Variants in PTPRG observed in about 807,000 individuals in gnomAD.
The protein encoded by PTPRG is receptor-type tyrosine-protein phosphatase gamma.
In PTPRG, 102 loss-of-function variants were observed where a neutral mutation model predicts 165.3. The ratio of observed to expected loss-of-function variants is 0.62; its 90% confidence interval spans 0.53 to 0.73. The LOEUF (loss-of-function observed/expected upper bound fraction) is 0.73, where lower values mean the gene tolerates loss of function less well. PTPRG is among the 30% of genes least tolerant of loss of function. The pLI, the probability that PTPRG is intolerant of heterozygous loss-of-function variation, is 0.00. For synonymous variants in PTPRG, 675 were observed against 669.5 expected, an observed-to-expected ratio of 1.01 and a Z score of -0.13; for missense variants, 1,866 against 1,861.4, an observed-to-expected ratio of 1.00 and a Z score of -0.05.
intron 1 of PTPRG, among the ~76,000 whole-genome samples, chr3:61,728,552 C>T (rs544635560): frequency 6.6e-6 from 1 of 152,060 alleles, no homozygotes; most frequent in Admixed American, 6.6e-5. Context: ...CACTGCCCTC[C>T]AGCCTGGAAG....
In PTPRG at chr3:62,218,854, A is replaced by G. The variant is rs1312081657; in HGVS notation, c.2159A>G (p.Glu720Gly). 1 of 1,609,110 alleles carries G rather than the reference A, an allele frequency of 6.2e-7. No homozygotes were observed. The highest frequency in any genetic ancestry group is 1.7e-5 in the Admixed American group (1 of 59,232). ...CTGGGATGATTTCTCTTGGCAGCGGAAAAAAACACCTCTGGAATGATAAGC... is the reference window on the plus strand; with the variant it reads ...CTGGGATGATTTCTCTTGGCAGCGGGAAAAAACACCTCTGGAATGATAAGC... The part of the protein sequence containing the change: ...DSRFITVNPA[E>G]KNTSGMISRP... The change falls in exon 13 of 30, where the codon GAA becomes GGA. Residue 720 changes from glutamate to glycine, a missense_variant. Glu to Gly is a moderately conservative substitution (Grantham distance 98, BLOSUM62 -2). Around this residue, in one of 3 missense-constraint regions of PTPRG, gnomAD observed 1,452 missense variants for 1,463.0 expected, o/e 0.99. Coordinates refer to ENST00000474889, the MANE Select transcript of PTPRG (RefSeq NM_002841.4).
intron 1 of PTPRG, among the ~76,000 whole-genome samples, chr3:61,707,945 T>G (rs2031345029): frequency 5.9e-5 from 9 of 152,054 alleles, no homozygotes; most frequent in Admixed American, 5.9e-4. Flanking sequence ...CACACCACTG[T>G]GACCAGATAA....
chr3:62,026,567 C>A (rs2107772179), intron 4 of PTPRG, among the ~76,000 whole-genome samples: 1 of 152,228 alleles, frequency 6.6e-6, no homozygotes, highest in Admixed American at 6.5e-5. Flanking sequence ...TTTACTTATG[C>A]AAGCCTCAGT....
At chr3:62,097,001 T>C (rs1375435186) in intron 5 of PTPRG, among the ~76,000 whole-genome samples, 1 of 152,162 alleles carries the variant, frequency 6.6e-6, no homozygotes, top group African/African-American at 2.4e-5. Flanking sequence ...AATCCGCCCA[T>C]CTTAAAAGTG....
At chr3:62,045,296 T>A (rs1393295954) in intron 4 of PTPRG, among the ~76,000 whole-genome samples, 8 of 152,202 alleles carry the variant, frequency 5.3e-5, no homozygotes, top group Admixed American at 4.6e-4. Flanking sequence ...TTAAGGCTAT[T>A]TGGTTTCATT....
At chr3:61,919,490 C>G (rs1439556517) in intron 2 of PTPRG, among the ~76,000 whole-genome samples, 1 of 152,192 alleles carries the variant, frequency 6.6e-6, no homozygotes, top group African/African-American at 2.4e-5. Context: ...TTGTGCCTCC[C>G]TCCACGATGG....
chr3:62,064,301 T>G (rs1262133164), intron 4 of PTPRG, among the ~76,000 whole-genome samples: 1 of 152,234 alleles, frequency 6.6e-6, no homozygotes, highest in East Asian at 1.9e-4. Context: ...TCTATATACT[T>G]GGGCATATAC....
intron 5 of PTPRG, among the ~76,000 whole-genome samples, chr3:62,104,867 A>G (rs1225693914): frequency 6.6e-6 from 1 of 152,196 alleles, no homozygotes; most frequent in African/African-American, 2.4e-5. Context: ...TGCTGGGATT[A>G]TTGCATTGTT....
At chr3:61,876,131 TGTA>T (rs1411442225) in intron 2 of PTPRG, among the ~76,000 whole-genome samples, 3 of 152,228 alleles carry the variant, frequency 2.0e-5, no homozygotes. Flanking sequence ...ACATGATTTC[TGTA>T]GTATTCTTGA....
rs964263369 is a variant in PTPRG at position 61,681,077 on chromosome 3, A to T, written c.86-67801A>T. 1.5e-3 allele frequency among the ~76,000 whole-genome samples: 210 copies of T among 143,388 alleles called. 1 individual carries two copies. Among genetic ancestry groups the T allele is most frequent in the African/African-American group, 5.2e-3 (204 of 39,012 alleles). 94.1% of individuals were successfully genotyped at this position (143,388 alleles called of 152,430 possible). ...TCTAAAAAAAAAAAAAAAAAAAAAA[A>T]GAAGAAGAAAGTAACAATGTCCAAA... is the stretch of plus-strand genomic sequence containing the variant. On this transcript the variant is annotated intron_variant, in intron 1 of 29. Coordinates refer to ENST00000474889, the MANE Select transcript of PTPRG (RefSeq NM_002841.4).
intron 4 of PTPRG, among the ~76,000 whole-genome samples, chr3:62,062,635 A>G (rs978960931): frequency 2.6e-5 from 4 of 152,000 alleles, no homozygotes; most frequent in African/African-American, 9.7e-5. Flanking sequence ...AATGATGAGT[A>G]AGAAGATAAT....
intron 1 of PTPRG, among the ~76,000 whole-genome samples, chr3:61,744,855 A>G (rs530590779): frequency 6.6e-6 from 1 of 152,160 alleles, no homozygotes; most frequent in Admixed American, 6.5e-5. Flanking sequence ...TGCTTCATGT[A>G]TTAAATGCTT....
chr3:62,191,745 T>G, intron 9 of PTPRG, 92 bp downstream of exon 9: 16 of 1,253,746 alleles, frequency 1.3e-5, no homozygotes, highest in Non-Finnish European at 1.7e-5. Context: ...GTGCCAGCTC[T>G]GTGTCATCTG....
chr3:62,068,246 A>T (rs1394370267), intron 4 of PTPRG, among the ~76,000 whole-genome samples: 1 of 152,098 alleles, frequency 6.6e-6, no homozygotes, highest in African/African-American at 2.4e-5. Context: ...TGAGTGCTTT[A>T]TGCTTGAGGC....
At chr3:61,596,611 A>C (rs1156669254) in intron 1 of PTPRG, among the ~76,000 whole-genome samples, 1 of 152,154 alleles carries the variant, frequency 6.6e-6, no homozygotes, top group Non-Finnish European at 1.5e-5. Context: ...GGAAACTGAG[A>C]TTCAGAAAGT....
chr3:61,793,758 T>A (rs908135562), intron 2 of PTPRG, among the ~76,000 whole-genome samples: 1 of 152,200 alleles, frequency 6.6e-6, no homozygotes, highest in Non-Finnish European at 1.5e-5. Context: ...TGTTGTTTTT[T>A]TTCTGGCCAC....
intron 5 of PTPRG, among the ~76,000 whole-genome samples, chr3:62,092,488 G>C (rs1008925292): frequency 6.6e-6 from 1 of 151,322 alleles, no homozygotes; most frequent in African/African-American, 2.4e-5. Context: ...TGCTTGTTTG[G>C]GGTTAATATC....
intron 4 of PTPRG, among the ~76,000 whole-genome samples, chr3:62,047,879 A>G (rs1020218293): frequency 2.6e-5 from 4 of 152,174 alleles, no homozygotes; most frequent in African/African-American, 9.7e-5. Context: ...TTTCAGGTTT[A>G]CATTTACAGG....
intron 1 of PTPRG, among the ~76,000 whole-genome samples, chr3:61,621,057 G>C (rs534550105): frequency 8.5e-6 from 1 of 118,340 alleles, no homozygotes; most frequent in Non-Finnish European, 1.9e-5. Flanking sequence ...ATATATGTGT[G>C]TGTGTGTGTG....
Sources: gnomAD v4.1 joint callset for allele counts (sites outside exome capture counted in the v4.1 genomes callset) on GRCh38, gnomAD v4.1.1 for gene constraint, gnomAD v4.1.1 regional missense constraint, MANE v1.5 for transcripts, NCBI Gene and HGNC (gene_info 2026-07-23, HGNC 2026-07-21) for gene names.